Variants in PPEF1 observed in about 807,000 individuals in gnomAD.
The protein encoded by PPEF1 is serine/threonine-protein phosphatase with EF-hands 1.
A neutral mutation model predicts 53.3 loss-of-function variants in PPEF1; 12 were observed. The observed-to-expected ratio is 0.23, with a 90% CI of 0.14 to 0.36. The LOEUF is 0.36. PPEF1 is among the 10% of genes least tolerant of loss of function. The pLI is 1.00. For missense variants in PPEF1, 334 were observed against 490.4 expected, an observed-to-expected ratio of 0.68 and a Z score of 3.01; for synonymous variants, 165 against 176.7, an observed-to-expected ratio of 0.93 and a Z score of 0.52.
At chrX:18,772,266 G>A (rs1463284383) in intron 6 of PPEF1, among the ~76,000 whole-genome samples, 2 of 111,026 alleles carry the variant, frequency 1.8e-5, no homozygotes, top group Admixed American at 9.7e-5. Context: ...AGGAAGAGGC[G>A]GGATTGGTCT....
At chrX:18,813,061 A>AGATTCTT (rs2046839378) in intron 12 of PPEF1, among the ~76,000 whole-genome samples, 2 of 111,410 alleles carry the variant, frequency 1.8e-5, no homozygotes, top group African/African-American at 6.5e-5. Context: ...TTATATTTTT[A>AGATTCTT]GATTCTTGAT....
chrX:18,679,114 C>A (rs1305622849), upstream of PPEF1, among the ~76,000 whole-genome samples: 1 of 112,303 alleles, frequency 8.9e-6, no homozygotes, highest in Non-Finnish European at 1.9e-5. Context: ...TGCTCTGTCA[C>A]CCAGGCTGGA....
intron 9 of PPEF1, among the ~76,000 whole-genome samples, chrX:18,784,358 AATTC>A (rs1240725039): frequency 8.9e-6 from 1 of 111,775 alleles, no homozygotes; most frequent in Non-Finnish European, 1.9e-5. Context: ...TTAAAACCTC[AATTC>A]ATTCATTTAT....
chrX:18,821,792 AGAGAGAG>A (rs1569273850), intron 13 of PPEF1, among the ~76,000 whole-genome samples: 126 of 23,437 alleles, frequency 5.4e-3, no homozygotes, highest in Non-Finnish European at 0.014. Context: ...AGAGAGAGAG[AGAGAGAG>A]AGAGAAAACA....
At chrX:18,758,964 T>C (rs2045603652) in intron 5 of PPEF1, among the ~76,000 whole-genome samples, 1 of 111,324 alleles carries the variant, frequency 9.0e-6, no homozygotes, top group African/African-American at 3.3e-5. Flanking sequence ...CTTGCTCTTA[T>C]GGGTGAAATT....
At chrX:18,770,379 C>T (rs865927786) in intron 6 of PPEF1, among the ~76,000 whole-genome samples, 5 of 111,516 alleles carry the variant, frequency 4.5e-5, no homozygotes, top group Admixed American at 1.9e-4. Flanking sequence ...ATGAGTCTTG[C>T]CCTCTTTGAT....
chrX:18,702,116 G>C (rs1222200335), intron 6 of PPEF1, among the ~76,000 whole-genome samples: 1 of 111,823 alleles, frequency 8.9e-6, no homozygotes, highest in Non-Finnish European at 1.9e-5. Context: ...GGCTGCCAGG[G>C]ACTCCTCTGC....
intron 6 of PPEF1, among the ~76,000 whole-genome samples, chrX:18,776,966 A>G (rs2045979403): frequency 8.9e-6 from 1 of 112,712 alleles, no homozygotes; most frequent in South Asian, 3.7e-4. Flanking sequence ...TAGAAATAAC[A>G]TGGTCATAAT....
upstream of PPEF1, among the ~76,000 whole-genome samples, chrX:18,681,269 G>A (rs1337084573): frequency 1.8e-5 from 2 of 111,485 alleles, no homozygotes; most frequent in East Asian, 2.8e-4. Flanking sequence ...GAGTCACTGC[G>A]CCTGGCCTGC....
At chrX:18,711,962 C>T (rs761925012) in intron 1 of PPEF1, among the ~76,000 whole-genome samples, 1 of 111,169 alleles carries the variant, frequency 9.0e-6, no homozygotes, top group Non-Finnish European at 1.9e-5. Context: ...ACCATGTTGG[C>T]CAGGCTGGTC....
upstream of PPEF1, among the ~76,000 whole-genome samples, chrX:18,703,936 T>TG (rs2147272083): frequency 9.4e-6 from 1 of 106,731 alleles, no homozygotes; most frequent in African/African-American, 3.4e-5. Context: ...TTTTTTTTTT[T>TG]TTTTAAAGTC....
At chrX:18,779,395 G>A (rs951801072) in intron 7 of PPEF1, among the ~76,000 whole-genome samples, 6 of 110,943 alleles carry the variant, frequency 5.4e-5, no homozygotes, top group African/African-American at 1.3e-4. Flanking sequence ...AGTTCTGTCC[G>A]TTCTTCTCCC....
intron 1 of PPEF1, among the ~76,000 whole-genome samples, chrX:18,711,419 T>A (rs2044324935): frequency 9.0e-6 from 1 of 111,122 alleles, no homozygotes; most frequent in African/African-American, 3.3e-5. Context: ...TCATTATACA[T>A]GTAACAAAAT....
At chrX:18,686,605 G>A (rs952541755) in intron 3 of PPEF1, among the ~76,000 whole-genome samples, 1 of 110,906 alleles carries the variant, frequency 9.0e-6, no homozygotes, top group Non-Finnish European at 1.9e-5. Flanking sequence ...TGGGGGCTGC[G>A]TCAGTCCCAT....
chrX:18,810,077 TGTGTG>T (rs1217661322), intron 12 of PPEF1, among the ~76,000 whole-genome samples: 1 of 14,193 alleles, frequency 7.0e-5, no homozygotes, highest in Non-Finnish European at 1.8e-4. Flanking sequence ...AAAAATCCTC[TGTGTG>T]TGTGTGTGTG....
At chrX:18,706,615 G>A (rs1369889968), upstream of PPEF1, among the ~76,000 whole-genome samples, 4 of 109,361 alleles carry the variant, frequency 3.7e-5, no homozygotes, top group African/African-American at 6.6e-5. Flanking sequence ...GTGTGGTGGC[G>A]CATGCCTGTA....
intron 6 of PPEF1, among the ~76,000 whole-genome samples, chrX:18,774,543 G>A (rs1844130311): frequency 8.9e-6 from 1 of 112,227 alleles, no homozygotes. Context: ...ACCTAAAACT[G>A]TGCCTGGTAC....
chrX:18,736,308 T>C (rs371517155), intron 3 of PPEF1, among the ~76,000 whole-genome samples: 1 of 111,947 alleles, frequency 8.9e-6, no homozygotes, highest in African/African-American at 3.2e-5. Context: ...GTCCCATCAA[T>C]ACCTAGTTTA....
intron 12 of PPEF1, among the ~76,000 whole-genome samples, chrX:18,813,780 T>G (rs1190423989): frequency 1.8e-5 from 2 of 112,177 alleles, no homozygotes; most frequent in Admixed American, 9.5e-5. Flanking sequence ...GTGTTGAATT[T>G]CATCAGATAA....
Sources: allele counts gnomAD v4.1 joint callset (sites outside exome capture counted in the v4.1 genomes callset), GRCh38; gene constraint gnomAD v4.1.1; transcripts MANE v1.5; gene names NCBI Gene and HGNC (gene_info 2026-07-23, HGNC 2026-07-21).